TUSC3: variants seen among roughly 807,000 people sequenced by gnomAD.
The protein encoded by TUSC3 is tumor suppressor candidate 3.
TUSC3 carries 45 observed loss-of-function variants against 44.8 expected under a neutral mutation model. The ratio of observed to expected loss-of-function variants is 1.00; its 90% CI spans 0.79 to 1.29. The LOEUF (loss-of-function observed/expected upper bound fraction) is 1.29, where lower values mean the gene tolerates loss of function less well. Among genes scored for constraint, TUSC3 ranks in the 50% most tolerant of loss-of-function variants. The pLI is 0.00. For missense variants in TUSC3, 519 were observed against 437.9 expected (o/e 1.19, Z -1.65); for synonymous variants, 212 against 152.9 (o/e 1.39, Z -2.85).
Position 15,531,438 on chromosome 8 carries a change from G to C in TUSC3, n.189+47955G>C, listed in dbSNP as rs563391139. Among the ~76,000 whole-genome samples the C allele has an allele frequency of 3.6e-3, 542 of 152,232 alleles. 3 individuals are homozygous for C. The highest frequency in any genetic ancestry group is 0.012 in the African/African-American group (516 of 41,558). On this transcript the variant is annotated intron_variant and non_coding_transcript_variant, in intron 2 of 5. Transcript: ENST00000503191. The stretch of plus-strand genomic sequence containing the variant: ...GGCTAATTTTTGTATTTTTAGTAGA[G>C]ACAGGGTTTCGCCACGTTGGCCAGG...
chr8:15,731,750 C>T (rs1810732927), intron 7 of TUSC3, among the ~76,000 whole-genome samples: 1 of 152,104 alleles, frequency 6.6e-6, no homozygotes, highest in African/African-American at 2.4e-5. Context: ...AGGAAAAATA[C>T]TATCTTTTTA....
At chr8:15,820,701 T>G in the TUSC3 span, among the ~76,000 whole-genome samples, 1 of 152,188 alleles carries the variant, frequency 6.6e-6, no homozygotes, top group Non-Finnish European at 1.5e-5. Flanking sequence ...AAGTAGTAAT[T>G]GCACTCTTCC....
chr8:15,488,421 G>T (rs1255353167), intron 2 of TUSC3, among the ~76,000 whole-genome samples: 1 of 152,048 alleles, frequency 6.6e-6, no homozygotes, highest in African/African-American at 2.4e-5. Flanking sequence ...AGGATTGCTT[G>T]AGCCCAGGAG....
At chr8:15,752,776 G>A (rs532552986) in intron 9 of TUSC3, among the ~76,000 whole-genome samples, 4 of 151,964 alleles carry the variant, frequency 2.6e-5, no homozygotes, top group African/African-American at 9.7e-5. Flanking sequence ...AATAACATGA[G>A]GTCAAATGTA....
intron 1 of TUSC3, among the ~76,000 whole-genome samples, chr8:15,567,440 G>C (rs2129142111): frequency 6.6e-6 from 1 of 152,160 alleles, no homozygotes; most frequent in African/African-American, 2.4e-5. Flanking sequence ...GCCCAGAGTA[G>C]GTACTTACTT....
chr8:15,822,423 G>C, the TUSC3 span, among the ~76,000 whole-genome samples: 1 of 152,134 alleles, frequency 6.6e-6, no homozygotes, highest in Admixed American at 6.5e-5. Flanking sequence ...ATATTCGAGA[G>C]AATTACCTGC....
At chr8:15,623,458 C>T (rs534671802) in intron 2 of TUSC3, among the ~76,000 whole-genome samples, 1 of 152,022 alleles carries the variant, frequency 6.6e-6, no homozygotes, top group Non-Finnish European at 1.5e-5. Context: ...TATTCATTGA[C>T]CAGTTGCACA....
intron 1 of TUSC3, among the ~76,000 whole-genome samples, chr8:15,463,783 G>C (rs184892099): frequency 6.6e-6 from 1 of 152,204 alleles, no homozygotes; most frequent in East Asian, 1.9e-4. Context: ...TCTACAACCA[G>C]GATGATTACA....
chr8:15,696,174 A>G (rs1026922692), intron 6 of TUSC3, among the ~76,000 whole-genome samples: 1 of 152,150 alleles, frequency 6.6e-6, no homozygotes, highest in African/African-American at 2.4e-5. Flanking sequence ...AGGCAAAAAT[A>G]GTTTCGTGGG....
chr8:15,784,317 C>T, the TUSC3 span, among the ~76,000 whole-genome samples: 1 of 152,070 alleles, frequency 6.6e-6, no homozygotes, highest in Non-Finnish European at 1.5e-5. Context: ...AATAGATTAT[C>T]CAGCACTCCT....
At chr8:15,480,157 C>G (rs780246888) in intron 1 of TUSC3, among the ~76,000 whole-genome samples, 1 of 152,092 alleles carries the variant, frequency 6.6e-6, no homozygotes, top group Non-Finnish European at 1.5e-5. Context: ...GAGAACTACA[C>G]GCCACTGCTC....
the TUSC3 span, among the ~76,000 whole-genome samples, chr8:15,848,835 G>A: frequency 6.6e-6 from 1 of 152,194 alleles, no homozygotes; most frequent in African/African-American, 2.4e-5. Context: ...AAAACAAGGA[G>A]GTTGAATTAG....
intron 6 of TUSC3, among the ~76,000 whole-genome samples, chr8:15,699,704 A>G (rs1191399031): frequency 6.6e-6 from 1 of 152,222 alleles, no homozygotes; most frequent in Non-Finnish European, 1.5e-5. Context: ...AGCCATTGGA[A>G]TACTTTGTTG....
the TUSC3 span, among the ~76,000 whole-genome samples, chr8:15,813,699 C>T: frequency 2.0e-5 from 3 of 152,058 alleles, no homozygotes; most frequent in African/African-American, 4.8e-5. Context: ...AACAAGTTTG[C>T]ATTGAGCTCC....
intron 6 of TUSC3, among the ~76,000 whole-genome samples, chr8:15,674,547 T>C (rs924097841): frequency 5.3e-5 from 8 of 152,016 alleles, no homozygotes; most frequent in Non-Finnish European, 1.0e-4. Flanking sequence ...TGGCTTCTTG[T>C]ACCCATCACT....
intron 1 of TUSC3, among the ~76,000 whole-genome samples, chr8:15,586,284 C>G (rs1365172313): frequency 2.0e-5 from 3 of 152,044 alleles, no homozygotes; most frequent in Non-Finnish European, 4.4e-5. Context: ...TTGAGAGAAG[C>G]TTGTATAAGT....
chr8:15,590,698 G>GT (rs1409928129), intron 1 of TUSC3, among the ~76,000 whole-genome samples: 1 of 151,758 alleles, frequency 6.6e-6, no homozygotes, highest in East Asian at 1.9e-4. Flanking sequence ...CTGAGACAGG[G>GT]TTTTGCTCTG....
At chr8:15,707,826 T>C (rs1393399193) in intron 6 of TUSC3, among the ~76,000 whole-genome samples, 1 of 151,952 alleles carries the variant, frequency 6.6e-6, no homozygotes, top group African/African-American at 2.4e-5. Context: ...TTCAGGAGGC[T>C]GAAGTACAAA....
At chr8:15,548,836 A>G (rs981683000) in intron 1 of TUSC3, among the ~76,000 whole-genome samples, 1 of 151,830 alleles carries the variant, frequency 6.6e-6, no homozygotes, top group African/African-American at 2.4e-5. Context: ...CTATTTGTCA[A>G]TTACATATTA....
Sources: allele counts gnomAD v4.1 joint callset (sites outside exome capture counted in the v4.1 genomes callset), GRCh38; gene constraint gnomAD v4.1.1; transcripts MANE v1.5; gene names NCBI Gene and HGNC (gene_info 2026-07-23, HGNC 2026-07-21).